The following TCERG1L variants were observed in gnomAD, a reference collection of about 807,000 sequenced individuals.
The protein encoded by TCERG1L is transcription elongation regulator 1-like protein.
Under a neutral mutation model 56.3 loss-of-function variants are expected in TCERG1L, and 37 were observed. That is an observed-to-expected ratio of 0.66 (90% CI 0.51 to 0.87). The LOEUF (loss-of-function observed/expected upper bound fraction) is 0.87, where lower values mean the gene tolerates loss of function less well. Ranked by LOEUF, TCERG1L falls within the 40% of genes least tolerant of loss-of-function variation. TCERG1L has a pLI of 0.00. For missense variants in TCERG1L, 799 were observed against 774.2 expected (o/e 1.03, Z -0.38); for synonymous variants, 324 against 326.3 (o/e 0.99, Z 0.08).
At chr10:131,149,474 T>C (rs1845840235) in intron 6 of TCERG1L, among the ~76,000 whole-genome samples, 1 of 152,212 alleles carries the variant, frequency 6.6e-6, no homozygotes, top group African/African-American at 2.4e-5. Flanking sequence ...TTATTGAGTC[T>C]AAAGCTGAAG....
intron 3 of TCERG1L, among the ~76,000 whole-genome samples, chr10:131,263,137 G>T (rs1287169278): frequency 1.3e-5 from 2 of 152,048 alleles, no homozygotes; most frequent in Non-Finnish European, 2.9e-5. Flanking sequence ...CGGTGGCTAT[G>T]CCATTTTGCA....
chr10:131,102,349 G>T (rs1845311985), intron 10 of TCERG1L, among the ~76,000 whole-genome samples: 1 of 152,166 alleles, frequency 6.6e-6, no homozygotes, highest in African/African-American at 2.4e-5. Flanking sequence ...TGAGCAGAGT[G>T]GTGGGTCGAG....
chr10:131,236,506 G>T (rs1259921339), intron 4 of TCERG1L, among the ~76,000 whole-genome samples: 1 of 152,196 alleles, frequency 6.6e-6, no homozygotes, highest in Non-Finnish European at 1.5e-5. Flanking sequence ...GCTGCTCACA[G>T]AACTGTCTTT....
intron 6 of TCERG1L, among the ~76,000 whole-genome samples, chr10:131,158,618 C>G (rs1845946470): frequency 6.6e-6 from 1 of 152,156 alleles, no homozygotes; most frequent in Admixed American, 6.5e-5. Context: ...CTTGGCCGGC[C>G]CACCTATGTG....
At chr10:131,261,503 G>A (rs959584976) in intron 3 of TCERG1L, among the ~76,000 whole-genome samples, 3 of 152,220 alleles carry the variant, frequency 2.0e-5, no homozygotes, top group African/African-American at 2.4e-5. Context: ...TGCACAGGAC[G>A]GTCAGTGGTC....
chr10:131,149,709 G>T lies in TCERG1L; in HGVS notation c.1035-3049C>A, dbSNP rs148626013. Among the ~76,000 whole-genome samples the T allele has an allele frequency of 3.9e-5, 6 of 152,320 alleles. No individual in the cohort carries two copies. The East Asian group carries it at 1.2e-3, about 29-fold the overall frequency. On this transcript the variant is annotated intron_variant, in intron 6 of 11. Transcript: ENST00000368642. ...GCCTGGGCTCTTTGGCAACACGTAG[G>T]ACGTGGACAGTTTTACTACTGCGAC...
At chr10:131,139,003 A>G (rs776929824) in intron 7 of TCERG1L, among the ~76,000 whole-genome samples, 4 of 152,232 alleles carry the variant, frequency 2.6e-5, no homozygotes, top group African/African-American at 4.8e-5. Context: ...GAACACAAAC[A>G]CAAAACAAAT....
intron 3 of TCERG1L, among the ~76,000 whole-genome samples, chr10:131,288,903 T>TC (rs1846576346): frequency 6.6e-6 from 1 of 152,156 alleles, no homozygotes; most frequent in African/African-American, 2.4e-5. Context: ...CTCAGACATT[T>TC]CCACCGTCTG....
At chr10:131,195,487 C>T (rs572931851) in intron 4 of TCERG1L, among the ~76,000 whole-genome samples, 1 of 152,340 alleles carries the variant, frequency 6.6e-6, no homozygotes, top group East Asian at 1.9e-4. Flanking sequence ...CACAGCAGGC[C>T]AGCTTATCTC....
chr10:131,190,435 A>C (rs1845291153), intron 4 of TCERG1L, among the ~76,000 whole-genome samples: 1 of 103,618 alleles, frequency 9.7e-6, no homozygotes, highest in Admixed American at 9.1e-5. Context: ...AGCTAGTATC[A>C]CCCTTTTACC....
At chr10:131,170,607 G>A (rs990878333) in intron 4 of TCERG1L, among the ~76,000 whole-genome samples, 1 of 152,094 alleles carries the variant, frequency 6.6e-6, no homozygotes, top group Admixed American at 6.5e-5. Flanking sequence ...AAGTCTGGAA[G>A]GAAGCAAAAA....
intron 4 of TCERG1L, among the ~76,000 whole-genome samples, chr10:131,235,286 G>A (rs1845901803): frequency 6.6e-6 from 1 of 152,218 alleles, no homozygotes. Context: ...TTTCACGTTG[G>A]AGAAGAGTGG....
rs1306288643 is a variant in TCERG1L at position 131,118,193 on chromosome 10, A to G, written c.1260-1259T>C. Among the ~76,000 whole-genome samples the G allele has an allele frequency of 6.6e-6, 1 of 152,194 alleles. No individual in the cohort carries two copies. Among genetic ancestry groups the G allele is most frequent in the Non-Finnish European group, 1.5e-5 (1 of 68,020 alleles). On this transcript the variant is annotated intron_variant, in intron 8 of 11. Transcript: ENST00000368642. This position sits in a 1 kb window ranked among gnomAD's most constrained non-coding sequence, Gnocchi z 4.2. The stretch of plus-strand genomic sequence containing the variant: ...GGTCAACCTCAGCCAGCAATCATGA[A>G]GAGCAGTCCGCTCACAAGCAGTGGC...
rs964029672 is a variant in TCERG1L at position 131,114,023 on chromosome 10, C to T, written c.1395+2776G>A. Among the ~76,000 whole-genome samples, 45 of 142,074 alleles carry T rather than the reference C, an allele frequency of 3.2e-4. 2 individuals carry two copies. Among genetic ancestry groups the T allele is most frequent in the African/African-American group, 1.1e-3 (44 of 40,230 alleles). The allele number at this position is 142,074 out of a possible 152,430, so 93.2% of individuals were successfully genotyped here. A position where few individuals can be genotyped will look rare whatever the true frequency, so the allele number is the denominator to read the frequency against. ...TAAAACAAAACGAAAAACAAACCTTCTGCTGAACCATCATTTACATGCCAC... is the reference window on the plus strand; with the variant it reads ...TAAAACAAAACGAAAAACAAACCTTTTGCTGAACCATCATTTACATGCCAC... On this transcript the variant is annotated intron_variant, in intron 9 of 11. Coordinates refer to ENST00000368642, the MANE Select transcript of TCERG1L (RefSeq NM_174937.4).
At chr10:131,134,358 G>A in intron 8 of TCERG1L, 21 bp downstream of exon 8, 2 of 1,570,264 alleles carry the variant, frequency 1.3e-6, no homozygotes, top group South Asian at 1.2e-5. Context: ...AGATCTGCTG[G>A]GGAAGAGCAC....
At chr10:131,098,236 C>G in intron 11 of TCERG1L, 70 bp downstream of exon 11, 1 of 1,488,176 alleles carries the variant, frequency 6.7e-7, no homozygotes, top group East Asian at 2.5e-5. Flanking sequence ...AAAAACAAAC[C>G]TGAAGAGTCC....
intron 4 of TCERG1L, among the ~76,000 whole-genome samples, chr10:131,258,265 A>C (rs746169230): frequency 1.3e-5 from 2 of 152,254 alleles, no homozygotes; most frequent in Non-Finnish European, 2.9e-5. Context: ...TTTAGAAAAC[A>C]GCCCGAATGG....
chr10:131,117,061 A>C, intron 8 of TCERG1L, 127 bp from the exon 9 acceptor site: 1 of 1,254,704 alleles, frequency 8.0e-7, no homozygotes, highest in Non-Finnish European at 1.1e-6. Context: ...ACTCTTTATA[A>C]AGCCTGAGGC....
At chr10:131,250,330 T>C (rs1968516) in intron 4 of TCERG1L, among the ~76,000 whole-genome samples, 43,255 of 148,170 alleles carry the variant, frequency 0.29, 7,612 homozygotes, top group African/African-American at 0.51. Context: ...GTCACTCACA[T>C]GCCGAGCGGG....
Sources: gnomAD v4.1 joint callset for allele counts (sites outside exome capture counted in the v4.1 genomes callset) on GRCh38, gnomAD v4.1.1 for gene constraint, Gnocchi (gnomAD v3.1) non-coding constraint, MANE v1.5 for transcripts, NCBI Gene and HGNC (gene_info 2026-07-23, HGNC 2026-07-21) for gene names.